ADAMTS16: variants seen among roughly 807,000 people sequenced by gnomAD.
ADAMTS16 encodes the protein A disintegrin and metalloproteinase with thrombospondin motifs 16.
Under a neutral mutation model 145.8 loss-of-function variants are expected in ADAMTS16, and 94 were observed. The ratio of observed to expected loss-of-function variants is 0.64; its 90% CI spans 0.55 to 0.77. ADAMTS16 has a LOEUF of 0.77. ADAMTS16 is among the 30% of genes least tolerant of loss of function. ADAMTS16 has a pLI of 0.00. For synonymous variants in ADAMTS16, 659 were observed against 604.3 expected, an observed-to-expected ratio of 1.09 and a Z score of -1.33; for missense variants, 1,585 against 1,591.5, an observed-to-expected ratio of 1.00 and a Z score of 0.07.
chr5:5,206,589 C>G (rs533364686), intron 9 of ADAMTS16, among the ~76,000 whole-genome samples: 1 of 151,544 alleles, frequency 6.6e-6, no homozygotes, highest in Non-Finnish European at 1.5e-5. Context: ...AAGCGATTCT[C>G]CTGCCTCAGC....
intron 11 of ADAMTS16, among the ~76,000 whole-genome samples, chr5:5,226,364 T>C (rs1369162203): frequency 6.6e-6 from 1 of 152,120 alleles, no homozygotes; most frequent in African/African-American, 2.4e-5. Context: ...GGAACTCTCA[T>C]GTATAAAACT....
At chr5:5,213,234 T>C (rs1463669677) in intron 10 of ADAMTS16, among the ~76,000 whole-genome samples, 3 of 152,226 alleles carry the variant, frequency 2.0e-5, no homozygotes, top group Non-Finnish European at 4.4e-5. Context: ...TGTTTTCCTA[T>C]AGGTCTGTTT....
In ADAMTS16 at chr5:5,310,773, G is replaced by T. The variant is rs1740395070; in HGVS notation, c.3411+4045G>T. 6.6e-6 allele frequency among the ~76,000 whole-genome samples: 1 copy of T among 152,154 alleles called. No individual in the cohort carries two copies. Among genetic ancestry groups the T allele is most frequent in the Non-Finnish European group, 1.5e-5 (1 of 68,010 alleles). ...ATTTCTGGCGTCCTAAACTGTGAAAGAATAAATTTCTGTTATTTTGAGCCC... is the reference window on the plus strand; with the variant it reads ...ATTTCTGGCGTCCTAAACTGTGAAATAATAAATTTCTGTTATTTTGAGCCC... On this transcript the variant is annotated intron_variant, in intron 21 of 22. Coordinates refer to ENST00000274181, the MANE Select transcript of ADAMTS16 (RefSeq NM_139056.4). The surrounding 1 kb of genome is among the most constrained non-coding windows in gnomAD (Gnocchi z 4.3).
chr5:5,300,129 G>C (rs146124422), intron 18 of ADAMTS16, among the ~76,000 whole-genome samples: 1 of 152,184 alleles, frequency 6.6e-6, no homozygotes, highest in South Asian at 2.1e-4. Flanking sequence ...AAGACTTAAC[G>C]AGGCGGTGTG....
chr5:5,145,055 T>G (rs1218737818), intron 2 of ADAMTS16, among the ~76,000 whole-genome samples: 2 of 152,224 alleles, frequency 1.3e-5, no homozygotes, highest in African/African-American at 4.8e-5. Context: ...CTTGCAGGGC[T>G]TCTTGGAGTT....
chr5:5,268,917 G>A (rs536564193), intron 18 of ADAMTS16, among the ~76,000 whole-genome samples: 47 of 152,180 alleles, frequency 3.1e-4, no homozygotes, highest in South Asian at 1.5e-3. Flanking sequence ...GAAGGACTGC[G>A]CTCCCCGACC....
intron 2 of ADAMTS16, among the ~76,000 whole-genome samples, chr5:5,143,171 T>G (rs959932282): frequency 6.6e-6 from 1 of 152,028 alleles, no homozygotes; most frequent in Non-Finnish European, 1.5e-5. Flanking sequence ...CAAAAGAAAC[T>G]ATCATCAGAG....
intron 18 of ADAMTS16, among the ~76,000 whole-genome samples, chr5:5,289,361 A>C (rs1297604594): frequency 6.6e-6 from 1 of 152,188 alleles, no homozygotes; most frequent in Non-Finnish European, 1.5e-5. Flanking sequence ...CATAAGCTTC[A>C]TTTCACCCCT....
chr5:5,190,053 G>A lies in ADAMTS16; in HGVS notation c.1130G>A (p.Gly377Glu). ...CAGTCTGGATTGATGGGGAAAGATGGGACTCGTCATGACCACGCCATCTTA... is the reference window on the plus strand; with the variant it reads ...CAGTCTGGATTGATGGGGAAAGATGAGACTCGTCATGACCACGCCATCTTA... ...QWQSGLMGKDGTRHDHAILLT... is the reference protein window; with the variant it reads ...QWQSGLMGKDETRHDHAILLT... Residue 377 changes from glycine (G) to glutamate (E), a missense_variant, in exon 7 of 23, where the codon GGG becomes GAG. Transcript: ENST00000274181. 6.2e-7 allele frequency: 1 copy of A among 1,613,232 alleles called. No homozygotes were observed. Among genetic ancestry groups the A allele is most frequent in the Non-Finnish European group, 8.5e-7 (1 of 1,179,634 alleles).
chr5:5,174,761 C>T (rs1371152110), intron 3 of ADAMTS16, among the ~76,000 whole-genome samples: 1 of 152,186 alleles, frequency 6.6e-6, no homozygotes, highest in Non-Finnish European at 1.5e-5. Flanking sequence ...TTGTAAAATG[C>T]ATTTTCAACT....
At chr5:5,174,210 C>T (rs752561552) in intron 3 of ADAMTS16, among the ~76,000 whole-genome samples, 13 of 152,090 alleles carry the variant, frequency 8.5e-5, no homozygotes, top group Non-Finnish European at 1.8e-4. Flanking sequence ...GGGATATTTT[C>T]TCTGCATATA....
At chr5:5,242,997 T>A (rs77062019) in intron 17 of ADAMTS16, among the ~76,000 whole-genome samples, 4,302 of 152,292 alleles carry the variant, frequency 0.028, 197 homozygotes, top group East Asian at 0.21. Flanking sequence ...TTAGACAATA[T>A]TATGTTTAAG....
Position 5,146,221 on chromosome 5 carries a change from G to A in ADAMTS16, c.267G>A (p.Val89=), listed in dbSNP as rs1734290359. The part of the protein sequence containing the change: ...IMHHQRRRRA[V]PVSEVESLHL... ...ACCATCAGCGGCGGAGAAGAGCAGTGCCCGTGTCCGAGGTTGAGTCTCTTC... is the reference window on the plus strand; with the variant it reads ...ACCATCAGCGGCGGAGAAGAGCAGTACCCGTGTCCGAGGTTGAGTCTCTTC... The change falls in exon 3 of 23, where the codon GTG becomes GTA. Residue 89 remains valine (V), a synonymous_variant. Transcript: ENST00000274181. 11 of 1,614,148 alleles carry A rather than the reference G, an allele frequency of 6.8e-6. No individual in the cohort carries two copies. In the South Asian group the frequency reaches 9.9e-5, roughly 15 times the overall value.
intron 17 of ADAMTS16, among the ~76,000 whole-genome samples, chr5:5,252,180 T>C (rs1737651315): frequency 6.6e-6 from 1 of 152,154 alleles, no homozygotes. Context: ...TCCCCGTGTC[T>C]ACAATGCACA....
At position 5,232,517 on chromosome 5, in the gene ADAMTS16, G is replaced by T; in HGVS notation, c.1850+1G>T. 6.2e-7 allele frequency: 1 copy of T among 1,609,082 alleles called. No homozygotes were observed. On this transcript the variant is annotated splice_donor_variant, in intron 12 of 22. Coordinates refer to ENST00000274181, the MANE Select transcript of ADAMTS16 (RefSeq NM_139056.4). LOFTEE classifies it high-confidence loss of function. ...GGAGTCGCCTCTGCACCAACCCCAAGTAAGTATGCCTTGACCTCCTTCCTC... is the reference window on the plus strand; with the variant it reads ...GGAGTCGCCTCTGCACCAACCCCAATTAAGTATGCCTTGACCTCCTTCCTC...
intron 18 of ADAMTS16, among the ~76,000 whole-genome samples, chr5:5,285,626 C>A (rs1739075924): frequency 6.6e-6 from 1 of 151,252 alleles, no homozygotes. Context: ...TAAATACTAG[C>A]TATTAGTATT....
chr5:5,292,556 A>G (rs1234388061), intron 18 of ADAMTS16, among the ~76,000 whole-genome samples: 1 of 151,994 alleles, frequency 6.6e-6, no homozygotes, highest in African/African-American at 2.4e-5. Flanking sequence ...AATATAAAAT[A>G]AAATACAAAC....
chr5:5,202,734 T>C (rs1352288318), intron 9 of ADAMTS16, among the ~76,000 whole-genome samples: 1 of 152,236 alleles, frequency 6.6e-6, no homozygotes, highest in Non-Finnish European at 1.5e-5. Context: ...GAAGATACAG[T>C]AACACTTTTT....
chr5:5,297,913 T>C (rs1210491203), intron 18 of ADAMTS16, among the ~76,000 whole-genome samples: 1 of 152,240 alleles, frequency 6.6e-6, no homozygotes, highest in African/African-American at 2.4e-5. Flanking sequence ...CTTTTGAGAC[T>C]GAAGAAAATG....
Sources: gnomAD v4.1 joint callset for allele counts (sites outside exome capture counted in the v4.1 genomes callset) on GRCh38, gnomAD v4.1.1 for gene constraint, Gnocchi (gnomAD v3.1) non-coding constraint, MANE v1.5 for transcripts, NCBI Gene and HGNC (gene_info 2026-07-23, HGNC 2026-07-21) for gene names.